Variants in CDH22 observed in about 807,000 individuals in gnomAD.
CDH22 encodes cadherin-22.
CDH22 carries 30 observed loss-of-function variants against 58.4 expected under a neutral mutation model. That is an observed-to-expected ratio of 0.51 (90% CI 0.38 to 0.70). The LOEUF (loss-of-function observed/expected upper bound fraction) is 0.70. Among genes scored for constraint, CDH22 ranks in the 30% least tolerant of loss-of-function variants. The pLI is 0.00. For synonymous variants in CDH22, 513 were observed against 558.2 expected, an observed-to-expected ratio of 0.92 and a Z score of 1.14; for missense variants, 1,014 against 1,233.9, an observed-to-expected ratio of 0.82 and a Z score of 2.67.
chr20:46,245,992 A>T (rs1303364152), intron 2 of CDH22, among the ~76,000 whole-genome samples: 1 of 152,190 alleles, frequency 6.6e-6, no homozygotes, highest in Non-Finnish European at 1.5e-5. Flanking sequence ...CCAGCCCTGG[A>T]GGAGAAATCC....
chr20:46,245,634 G>A (rs1326744775), intron 2 of CDH22, among the ~76,000 whole-genome samples: 8 of 152,086 alleles, frequency 5.3e-5, no homozygotes, highest in African/African-American at 1.9e-4. Flanking sequence ...CCCAGCACGG[G>A]GCACAGCACC....
At chr20:46,175,166 C>G (rs544789063) in intron 11 of CDH22, 89 bp from the exon 12 acceptor site, 9 of 1,288,246 alleles carry the variant, frequency 7.0e-6, no homozygotes, top group Non-Finnish European at 9.5e-6. Flanking sequence ...CCGCCTCCCA[C>G]CCAGCAGAGC....
intron 1 of CDH22, among the ~76,000 whole-genome samples, chr20:46,279,134 A>G (rs2086536045): frequency 6.6e-6 from 1 of 152,192 alleles, no homozygotes; most frequent in Non-Finnish European, 1.5e-5. Context: ...CTTGGCTCCC[A>G]CGTGGTTTTA....
In CDH22 at chr20:46,227,395, C is replaced by T. The variant is rs530906376; in HGVS notation, c.670+113G>A. The T allele has an allele frequency of 2.7e-4, 284 of 1,071,098 alleles. 1 individual carries two copies. In the East Asian group the frequency reaches 7.3e-3, roughly 28 times the overall value. 66.3% of individuals were successfully genotyped at this position (1,071,098 alleles called of 1,614,324 possible). ...GTGCACAAGGTGCCCCCTGTGCTGT[C>T]CTCAGAGCTTCTGGGACAGAAGGCT... On this transcript the variant is annotated intron_variant, in intron 4 of 11. Transcript: ENST00000537909.
chr20:46,258,115 T>C (rs1275615871), intron 1 of CDH22, among the ~76,000 whole-genome samples: 1 of 152,092 alleles, frequency 6.6e-6, no homozygotes, highest in Non-Finnish European at 1.5e-5. Flanking sequence ...GACTTGACCA[T>C]TGGAGTTAGT....
chr20:46,175,849 C>A (rs1180437312), intron 11 of CDH22, among the ~76,000 whole-genome samples: 2 of 152,308 alleles, frequency 1.3e-5, no homozygotes, highest in African/African-American at 4.8e-5. Context: ...ATAGACCAGA[C>A]CCTGCTGTGT....
intron 1 of CDH22, among the ~76,000 whole-genome samples, chr20:46,259,109 T>A (rs1039271084): frequency 2.6e-5 from 4 of 152,222 alleles, no homozygotes; most frequent in Non-Finnish European, 4.4e-5. Flanking sequence ...CATTCCTTAA[T>A]TCATTCCACA....
At chr20:46,199,291 C>T in intron 8 of CDH22, 132 bp downstream of exon 8, 1 of 1,102,150 alleles carries the variant, frequency 9.1e-7, no homozygotes, top group Non-Finnish European at 1.3e-6. Context: ...CATCCCCAAC[C>T]TTTGGCCCCT....
intron 1 of CDH22, among the ~76,000 whole-genome samples, chr20:46,295,545 A>T (rs1364550597): frequency 6.6e-6 from 1 of 152,190 alleles, no homozygotes; most frequent in Non-Finnish European, 1.5e-5. Context: ...CACTTTACAG[A>T]TGGGGAAACT....
chr20:46,190,276 T>G (rs1302630275), intron 8 of CDH22, among the ~76,000 whole-genome samples: 1 of 152,232 alleles, frequency 6.6e-6, no homozygotes, highest in African/African-American at 2.4e-5. Flanking sequence ...ACTTTCTGGA[T>G]GAGGAAACTG....
At chr20:46,212,910 G>A (rs1181319957) in intron 6 of CDH22, 85 bp downstream of exon 6, 4 of 1,082,576 alleles carry the variant, frequency 3.7e-6, no homozygotes, top group Non-Finnish European at 5.6e-6. Flanking sequence ...GTGGAGTGAG[G>A]TGGGGGTATT....
intron 1 of CDH22, among the ~76,000 whole-genome samples, chr20:46,303,903 G>T (rs1052962821): frequency 1.3e-5 from 2 of 152,314 alleles, no homozygotes; most frequent in South Asian, 2.1e-4. Context: ...TGCCGCAGGG[G>T]TTGCAGCGGG....
intron 8 of CDH22, among the ~76,000 whole-genome samples, chr20:46,188,011 C>A (rs1042834904): frequency 3.3e-5 from 5 of 152,142 alleles, no homozygotes; most frequent in African/African-American, 1.2e-4. Context: ...CCATGATGTC[C>A]CCACCTCTCC....
chr20:46,176,904 A>G (rs1223848861), intron 11 of CDH22, among the ~76,000 whole-genome samples: 1 of 152,218 alleles, frequency 6.6e-6, no homozygotes, highest in Non-Finnish European at 1.5e-5. Context: ...CCTTTAGAGC[A>G]CTGATGTGCA....
chr20:46,285,296 C>T (rs995494320), intron 1 of CDH22, among the ~76,000 whole-genome samples: 2 of 152,194 alleles, frequency 1.3e-5, no homozygotes, highest in Non-Finnish European at 2.9e-5. Flanking sequence ...TCCTGGGTCA[C>T]AGGCCAAGTC....
At chr20:46,265,218 G>A (rs1033049635) in intron 1 of CDH22, among the ~76,000 whole-genome samples, 17 of 152,176 alleles carry the variant, frequency 1.1e-4, no homozygotes, top group East Asian at 1.9e-4. Flanking sequence ...AAACGCGTCC[G>A]GATGGGGGCA....
At chr20:46,307,620 G>A (rs534418769) in intron 1 of CDH22, among the ~76,000 whole-genome samples, 10 of 152,104 alleles carry the variant, frequency 6.6e-5, no homozygotes, top group South Asian at 4.1e-4. Flanking sequence ...GGGGCCGGCA[G>A]GGGTCCCTGT....
intron 10 of CDH22, among the ~76,000 whole-genome samples, chr20:46,186,122 G>A (rs984972147): frequency 5.9e-5 from 9 of 151,276 alleles, no homozygotes; most frequent in African/African-American, 2.2e-4. Context: ...GCTGAGGTAG[G>A]AGGATTGCTT....
intron 1 of CDH22, among the ~76,000 whole-genome samples, chr20:46,279,559 T>C (rs56293911): frequency 0.014 from 2,085 of 152,328 alleles, 23 homozygotes; most frequent in Non-Finnish European, 0.019. Flanking sequence ...TCCATTTACA[T>C]TAAAAATACC....
Sources: gnomAD v4.1 joint callset for allele counts (sites outside exome capture counted in the v4.1 genomes callset) on GRCh38, gnomAD v4.1.1 for gene constraint, MANE v1.5 for transcripts, NCBI Gene and HGNC (gene_info 2026-07-23, HGNC 2026-07-21) for gene names.